Variants in SYNRG observed in about 807,000 individuals in gnomAD.
SYNRG encodes AP1 gamma subunit binding protein 1.
SYNRG carries 37 observed loss-of-function variants against 130.9 expected under a neutral mutation model. The ratio of observed to expected loss-of-function variants is 0.28; its 90% CI spans 0.22 to 0.37. The LOEUF (loss-of-function observed/expected upper bound fraction) is 0.37, where lower values mean the gene tolerates loss of function less well. Ranked by LOEUF, SYNRG falls within the 10% of genes least tolerant of loss-of-function variation. The pLI is 1.00. For synonymous variants in SYNRG, 539 were observed against 568.1 expected, an observed-to-expected ratio of 0.95 and a Z score of 0.73; for missense variants, 1,338 against 1,588.9, an observed-to-expected ratio of 0.84 and a Z score of 2.68.
At chr17:37,601,413 G>A (rs2063270479) in intron 1 of SYNRG, among the ~76,000 whole-genome samples, 1 of 152,080 alleles carries the variant, frequency 6.6e-6, no homozygotes, top group South Asian at 2.1e-4. Context: ...ATTATATGAA[G>A]TTGTCAGAGG....
chr17:37,594,284 A>AT (rs1466408150), intron 3 of SYNRG, among the ~76,000 whole-genome samples: 2 of 146,922 alleles, frequency 1.4e-5, no homozygotes, highest in African/African-American at 4.9e-5. Flanking sequence ...ATTAATTTTA[A>AT]TTATATTAAT....
At chr17:37,552,446 C>T (rs2058779190) in intron 14 of SYNRG, among the ~76,000 whole-genome samples, 1 of 152,138 alleles carries the variant, frequency 6.6e-6, no homozygotes, top group South Asian at 2.1e-4. Flanking sequence ...AGCAGTTACC[C>T]TATCCTAGCA....
chr17:37,534,048 C>T (rs187185002), intron 19 of SYNRG, among the ~76,000 whole-genome samples: 3 of 147,800 alleles, frequency 2.0e-5, no homozygotes, highest in East Asian at 4.0e-4. Context: ...AATTCTCCTG[C>T]CTCAGCCTCC....
intron 19 of SYNRG, among the ~76,000 whole-genome samples, chr17:37,532,465 G>A (rs759249491): frequency 1.1e-4 from 17 of 152,148 alleles, no homozygotes; most frequent in Admixed American, 5.9e-4. Context: ...TTGAGGCCAG[G>A]AGTTCGAGAC....
rs2054474869 is a variant in SYNRG, at chr17:37,516,988, G to A, written c.*1952C>T. The stretch of plus-strand genomic sequence containing the variant: ...TAATCCCGGTACTTTGGGAGGCTGA[G>A]GCGGGCGGATCGCCTGAGGTCCGGA... On this transcript the variant is annotated 3_prime_UTR_variant, in exon 22 of 22. Coordinates refer to ENST00000612223, the MANE Select transcript of SYNRG (RefSeq NM_007247.6). 2 of 152,306 alleles carry A rather than the reference G, an allele frequency of 1.3e-5. No individual in the cohort carries two copies. The highest frequency in any genetic ancestry group is 1.3e-4 in the Admixed American group (2 of 15,292). 9.4% of individuals were successfully genotyped at this position (152,306 alleles called of 1,614,324 possible).
chr17:37,592,592 T>TA (rs1301162831), intron 3 of SYNRG, among the ~76,000 whole-genome samples: 6 of 152,150 alleles, frequency 3.9e-5, no homozygotes, highest in East Asian at 1.9e-4. Flanking sequence ...TCATCGATTA[T>TA]AAAAAAAATG....
At chr17:37,541,353 G>A in intron 15 of SYNRG, 1 of 646,452 alleles carries the variant, frequency 1.5e-6, no homozygotes, top group Non-Finnish European at 1.9e-6. Context: ...GCTGAGACAG[G>A]AAGCGGTGGG....
At position 37,538,341 on chromosome 17, in the gene SYNRG, C is replaced by A. The variant is rs1307545295; in HGVS notation, c.3500G>T (p.Gly1167Val). The A allele has an allele frequency of 5.6e-6, 9 of 1,608,114 alleles. No individual in the cohort carries two copies. Among genetic ancestry groups the A allele is most frequent in the South Asian group, 1.1e-5 (1 of 89,272 alleles). ...VCTEVIQSAQ[G>V]MEYLLGVVEV... ...GAACATACCTAATAAATATTCCATG[C>A]CTTGAGCTGACTGAATTACTTCTGT... Residue 1167 changes from glycine to valine, a missense_variant, in exon 18 of 22, where the codon GGC becomes GTC. This residue lies in a region of SYNRG where 1,146 missense variants were observed against 1,342.3 expected (regional missense o/e 0.85). Coordinates refer to ENST00000612223, the MANE Select transcript of SYNRG (RefSeq NM_007247.6).
At chr17:37,578,145 C>T (rs2061002037) in intron 6 of SYNRG, among the ~76,000 whole-genome samples, 1 of 151,848 alleles carries the variant, frequency 6.6e-6, no homozygotes, top group South Asian at 2.1e-4. Flanking sequence ...GCCTGACCCA[C>T]ATAATGAAAC....
At chr17:37,569,582 G>A (rs1216504868) in intron 10 of SYNRG, among the ~76,000 whole-genome samples, 5 of 149,668 alleles carry the variant, frequency 3.3e-5, no homozygotes, top group Non-Finnish European at 7.4e-5. Context: ...TTGAACCTGG[G>A]AGGCAGAGGT....
Position 37,520,129 on chromosome 17 carries a change from C to T in SYNRG, c.3813+50G>A, listed in dbSNP as rs780503108. ...ATAGAATCATCCAATTTGCCCTCCA[C>T]ACTCAAAATTAAAATGGAGACGCTA... On this transcript the variant is annotated intron_variant, in intron 21 of 21. Transcript: ENST00000612223. The T allele has an allele frequency of 4.9e-5, 79 of 1,605,076 alleles. 1 individual carries two copies. The highest frequency in any genetic ancestry group is 6.7e-5 in the Non-Finnish European group (78 of 1,171,904).
At chr17:37,594,463 T>C (rs1482996533) in intron 3 of SYNRG, among the ~76,000 whole-genome samples, 2 of 95,510 alleles carry the variant, frequency 2.1e-5, no homozygotes, top group Non-Finnish European at 4.6e-5. Flanking sequence ...TTTCTTCTTC[T>C]TTTTTTTTTT....
chr17:37,533,591 T>TC (rs2056869508), intron 19 of SYNRG, among the ~76,000 whole-genome samples: 2 of 147,652 alleles, frequency 1.4e-5, no homozygotes, highest in African/African-American at 4.9e-5. Context: ...TCTTTTTCTT[T>TC]TTTTTTTTTT....
At chr17:37,523,357 G>A (rs1175318242) in intron 19 of SYNRG, among the ~76,000 whole-genome samples, 2 of 151,882 alleles carry the variant, frequency 1.3e-5, no homozygotes, top group African/African-American at 4.8e-5. Context: ...ATGAGGTCTC[G>A]CTATGTTGCC....
chr17:37,527,976 A>G (rs1189766347), intron 19 of SYNRG, among the ~76,000 whole-genome samples: 1 of 152,240 alleles, frequency 6.6e-6, no homozygotes, highest in Non-Finnish European at 1.5e-5. Context: ...AAAGTGATGC[A>G]GCTGTCTTCC....
chr17:37,576,487 G>A lies in SYNRG; in HGVS notation c.824-69C>T, dbSNP rs576588560. ...AGATGGCGAAATCACACTGAGTCAT[G>A]GTTTTTTACAAAGAGCACTGGCTGG... On this transcript the variant is annotated intron_variant, in intron 7 of 21. Transcript: ENST00000612223. 4 of 1,465,814 alleles carry A rather than the reference G, an allele frequency of 2.7e-6. No individual in the cohort carries two copies. The Admixed American group carries it at 5.7e-5, about 21-fold the overall frequency. The allele number at this position is 1,465,814 out of a possible 1,614,324, so 90.8% of individuals were successfully genotyped here.
rs1446056133 is a variant in SYNRG at position 37,568,998 on chromosome 17, C to T, written c.1348-74G>A. 6.6e-6 allele frequency: 10 copies of T among 1,504,162 alleles called. No individual in the cohort carries two copies. In the East Asian group the frequency reaches 1.6e-4, roughly 24 times the overall value. The allele number at this position is 1,504,162 out of a possible 1,614,324, so 93.2% of individuals were successfully genotyped here. A position where few individuals can be genotyped will look rare whatever the true frequency, so the allele number is the denominator to read the frequency against. On this transcript the variant is annotated intron_variant, in intron 10 of 21. Coordinates refer to ENST00000612223, the MANE Select transcript of SYNRG (RefSeq NM_007247.6). Reference sequence around the variant, plus strand: ...AATACACAACAAATCAAAAGTCAATCTCAAAGACTGCCTTTAAAATTTCTC... The same window carrying T: ...AATACACAACAAATCAAAAGTCAATTTCAAAGACTGCCTTTAAAATTTCTC...
chr17:37,580,517 G>A (rs1270343318), intron 6 of SYNRG, among the ~76,000 whole-genome samples: 1 of 138,344 alleles, frequency 7.2e-6, no homozygotes, highest in Non-Finnish European at 1.5e-5. Flanking sequence ...GTGTGAGAGA[G>A]AGAGAGAGAG....
Position 37,520,534 on chromosome 17 carries a change from T to C in SYNRG, c.3777+4A>G. The C allele has an allele frequency of 1.9e-6, 3 of 1,613,826 alleles. No homozygotes were observed. Among genetic ancestry groups the C allele is most frequent in the Non-Finnish European group, 2.5e-6 (3 of 1,179,884 alleles). On this transcript the variant is annotated splice_donor_region_variant and intron_variant, in intron 20 of 21. Transcript: ENST00000612223. ...GCTGTCTGCAAGGAGGCTGCGTGAC[T>C]TACCCGGCTCCTCGAGTCCACATTC...
Sources: gnomAD v4.1 joint callset for allele counts (sites outside exome capture counted in the v4.1 genomes callset) on GRCh38, gnomAD v4.1.1 for gene constraint, gnomAD v4.1.1 regional missense constraint, MANE v1.5 for transcripts, NCBI Gene and HGNC (gene_info 2026-07-23, HGNC 2026-07-21) for gene names.